Variants in HS3ST3B1 observed in about 807,000 individuals in gnomAD.
HS3ST3B1 encodes the protein heparan sulfate glucosamine 3-O-sulfotransferase 3B1.
HS3ST3B1 carries 13 observed loss-of-function variants against 21.3 expected under a neutral mutation model. That is an observed-to-expected ratio of 0.61 (90% confidence interval 0.40 to 0.97). The LOEUF is 0.97. Among genes scored for constraint, HS3ST3B1 ranks in the 50% least tolerant of loss-of-function variants. HS3ST3B1 has a pLI of 0.00. For synonymous variants in HS3ST3B1, 234 were observed against 254.8 expected, an observed-to-expected ratio of 0.92 and a Z score of 0.78; for missense variants, 459 against 554.8, an observed-to-expected ratio of 0.83 and a Z score of 1.73.
intron 1 of HS3ST3B1, among the ~76,000 whole-genome samples, chr17:14,317,495 G>A (rs1021147804): frequency 6.6e-6 from 1 of 152,196 alleles, no homozygotes; most frequent in South Asian, 2.1e-4. Flanking sequence ...AAATGCTGTA[G>A]GAGCAGAGAG....
rs185878762 is a variant in HS3ST3B1 at position 14,312,166 on chromosome 17, G to A, written c.554+10094G>A. Among the ~76,000 whole-genome samples, 76 of 152,150 alleles carry A rather than the reference G, an allele frequency of 5.0e-4. No homozygotes were observed. In the East Asian group the frequency reaches 0.01, roughly 21 times the overall value. On this transcript the variant is annotated intron_variant, in intron 1 of 1. Coordinates refer to ENST00000360954, the MANE Select transcript of HS3ST3B1 (RefSeq NM_006041.3). ...CTGTGTGCAGGCGAGTGGGCCAGGC[G>A]CTTACTTAATCTTAACAGCGATGCT... is the stretch of plus-strand genomic sequence containing the variant.
At chr17:14,309,627 C>G (rs2142326073) in intron 1 of HS3ST3B1, among the ~76,000 whole-genome samples, 1 of 152,346 alleles carries the variant, frequency 6.6e-6, no homozygotes, top group South Asian at 2.1e-4. Flanking sequence ...TGATTTGGTC[C>G]TGAGCTGCCT....
Position 14,301,632 on chromosome 17 carries a change from C to G in HS3ST3B1, c.114C>G (p.Ala38=). 6.2e-7 allele frequency: 1 copy of G among 1,607,918 alleles called. No individual in the cohort carries two copies. Among genetic ancestry groups the G allele is most frequent in the Non-Finnish European group, 8.5e-7 (1 of 1,178,868 alleles). ...PVRRKLALLF[A]MLCVWLYMFL... is the part of the protein sequence containing the mutation. ...GGAGGAAGCTCGCGCTGCTCTTCGC[C>G]ATGCTCTGCGTCTGGCTCTATATGT... The change falls in exon 1 of 2, where the codon GCC becomes GCG. Residue 38 remains alanine (A), a synonymous_variant. Coordinates refer to ENST00000360954, the MANE Select transcript of HS3ST3B1 (RefSeq NM_006041.3).
intron 1 of HS3ST3B1, among the ~76,000 whole-genome samples, chr17:14,341,236 T>G (rs943325197): frequency 2.6e-4 from 40 of 152,212 alleles, no homozygotes; most frequent in African/African-American, 9.4e-4. Context: ...AGTGAGGAAA[T>G]TCCGGCTGCA....
intron 1 of HS3ST3B1, among the ~76,000 whole-genome samples, chr17:14,314,940 A>G (rs1005714692): frequency 6.6e-6 from 1 of 152,058 alleles, no homozygotes; most frequent in African/African-American, 2.4e-5. Flanking sequence ...TGACTTTTTC[A>G]TTTTACACTT....
intron 1 of HS3ST3B1, among the ~76,000 whole-genome samples, chr17:14,321,817 T>C (rs528657001): frequency 1.3e-5 from 2 of 152,256 alleles, no homozygotes; most frequent in South Asian, 4.1e-4. Context: ...GATCATTTGT[T>C]TCAGTGGGAC....
At chr17:14,340,651 C>T (rs1910347344) in intron 1 of HS3ST3B1, among the ~76,000 whole-genome samples, 1 of 152,104 alleles carries the variant, frequency 6.6e-6, no homozygotes, top group South Asian at 2.1e-4. Context: ...GGCGCGATCT[C>T]AGCTCACTGC....
intron 1 of HS3ST3B1, among the ~76,000 whole-genome samples, chr17:14,336,084 T>C (rs768747391): frequency 6.6e-6 from 1 of 152,034 alleles, no homozygotes; most frequent in Non-Finnish European, 1.5e-5. Context: ...GAGAAGTGGG[T>C]GGGGTGAATG....
chr17:14,308,090 A>G (rs1471950503), intron 1 of HS3ST3B1, among the ~76,000 whole-genome samples: 2 of 152,248 alleles, frequency 1.3e-5, no homozygotes, highest in African/African-American at 4.8e-5. Context: ...ATATATTTAA[A>G]ACATTACCTT....
chr17:14,325,529 T>C (rs966428199), intron 1 of HS3ST3B1, among the ~76,000 whole-genome samples: 2 of 152,168 alleles, frequency 1.3e-5, no homozygotes, highest in Non-Finnish European at 2.9e-5. Flanking sequence ...AGAATTATAT[T>C]GGATTGCTAT....
chr17:14,345,625 G>A lies in HS3ST3B1; in HGVS notation c.1152G>A (p.Gly384=). ...ACCTCAAGTTCTACCAGATGACCGGGCACGACTTTGGCTGGGATTGAGCAG... is the reference window on the plus strand; with the variant it reads ...ACCTCAAGTTCTACCAGATGACCGGACACGACTTTGGCTGGGATTGAGCAG... ...PFNLKFYQMT[G]HDFGWD The change falls in exon 2 of 2, where the codon GGG becomes GGA. Residue 384 remains glycine, a synonymous_variant. Transcript: ENST00000360954. The A allele has an allele frequency of 1.9e-6, 3 of 1,613,426 alleles. No homozygotes were observed. The highest frequency in any genetic ancestry group is 2.2e-5 in the South Asian group (2 of 90,962).
chr17:14,324,749 G>C (rs1178285968), intron 1 of HS3ST3B1, among the ~76,000 whole-genome samples: 1 of 152,098 alleles, frequency 6.6e-6, no homozygotes, highest in Non-Finnish European at 1.5e-5. Context: ...GAGTAGCTGG[G>C]ACTACAGGCA....
At chr17:14,306,054 T>C (rs755102292) in intron 1 of HS3ST3B1, among the ~76,000 whole-genome samples, 8 of 152,166 alleles carry the variant, frequency 5.3e-5, no homozygotes, top group Non-Finnish European at 1.2e-4. Context: ...AAGATATTTA[T>C]CATATAGCAT....
chr17:14,344,001 A>T (rs1490716050), intron 1 of HS3ST3B1, among the ~76,000 whole-genome samples: 1 of 151,748 alleles, frequency 6.6e-6, no homozygotes, highest in Admixed American at 6.6e-5. Context: ...GGTTCCAGCA[A>T]TTCTCCTGCC....
intron 1 of HS3ST3B1, among the ~76,000 whole-genome samples, chr17:14,325,312 A>G (rs1909775586): frequency 6.6e-6 from 1 of 152,258 alleles, no homozygotes; most frequent in Non-Finnish European, 1.5e-5. Flanking sequence ...AGTGTGTTAA[A>G]AACCTTATTT....
intron 1 of HS3ST3B1, chr17:14,328,529 C>T (rs1387117343): frequency 6.6e-6 from 1 of 152,194 alleles, no homozygotes. Context: ...ATTGACATTG[C>T]CATGTCTCTT....
intron 1 of HS3ST3B1, among the ~76,000 whole-genome samples, chr17:14,336,918 G>A (rs2142349374): frequency 6.6e-6 from 1 of 152,146 alleles, no homozygotes; most frequent in South Asian, 2.1e-4. Context: ...AGATTTTGGG[G>A]ACACATCTGG....
intron 1 of HS3ST3B1, among the ~76,000 whole-genome samples, chr17:14,326,771 A>G (rs975335497): frequency 1.3e-4 from 20 of 151,992 alleles, no homozygotes; most frequent in African/African-American, 4.6e-4. Context: ...ATACAAAAAA[A>G]CTAGCTGGAC....
At chr17:14,325,086 A>T (rs530689463) in intron 1 of HS3ST3B1, among the ~76,000 whole-genome samples, 1 of 152,226 alleles carries the variant, frequency 6.6e-6, no homozygotes, top group Admixed American at 6.5e-5. Flanking sequence ...GAAAACCTTA[A>T]TTACACAAAT....
Sources: gnomAD v4.1 joint callset for allele counts (sites outside exome capture counted in the v4.1 genomes callset) on GRCh38, gnomAD v4.1.1 for gene constraint, MANE v1.5 for transcripts, NCBI Gene and HGNC (gene_info 2026-07-23, HGNC 2026-07-21) for gene names.